Variants in GRM7 observed in about 807,000 individuals in gnomAD.
GRM7 encodes metabotropic glutamate receptor 7.
In GRM7, 35 loss-of-function variants were observed where a neutral mutation model predicts 84.5. That is an observed-to-expected ratio of 0.41 (90% confidence interval 0.32 to 0.55). The LOEUF is 0.55. Among genes scored for constraint, GRM7 ranks in the 20% least tolerant of loss-of-function variants. The probability of loss-of-function intolerance (pLI) is 0.19; values close to 1 mark genes in which losing one functional copy is unlikely to be tolerated. For missense variants in GRM7, 1,003 were observed against 1,194.6 expected (o/e 0.84, Z 2.36); for synonymous variants, 487 against 455.1 (o/e 1.07, Z -0.89).
At chr3:7,460,206 G>A (rs1026911053) in intron 6 of GRM7, among the ~76,000 whole-genome samples, 13 of 148,090 alleles carry the variant, frequency 8.8e-5, no homozygotes, top group African/African-American at 1.7e-4. Flanking sequence ...CAAGAATGAC[G>A]CTAAAATATG....
intron 5 of GRM7, among the ~76,000 whole-genome samples, chr3:7,427,883 C>T (rs147135832): frequency 1.3e-4 from 20 of 152,262 alleles, no homozygotes; most frequent in East Asian, 7.7e-4. Flanking sequence ...CATGGTCAGT[C>T]GCTGATTAGA....
chr3:7,292,932 G>T (rs767214449), intron 2 of GRM7, among the ~76,000 whole-genome samples: 1 of 150,746 alleles, frequency 6.6e-6, no homozygotes, highest in Non-Finnish European at 1.5e-5. Flanking sequence ...TGCTCGGGGG[G>T]CCAAGGCAGG....
intron 2 of GRM7, among the ~76,000 whole-genome samples, chr3:7,261,421 C>CT (rs913545870): frequency 2.6e-4 from 39 of 152,110 alleles, no homozygotes; most frequent in African/African-American, 8.7e-4. Context: ...GCAACCCATG[C>CT]TTTTTTCTGT....
rs538875623 is a variant in GRM7, at chr3:7,649,825, A to AC, written c.2452-30224_2452-30223insC. 9.2e-4 allele frequency among the ~76,000 whole-genome samples: 139 copies of AC among 151,834 alleles called. 1 individual carries two copies. The South Asian group carries it at 0.027, about 29-fold the overall frequency. On this transcript the variant is annotated intron_variant, in intron 8 of 9. Coordinates refer to ENST00000357716, the MANE Select transcript of GRM7 (RefSeq NM_000844.4). ...TTATTTCTACTGCTGGCAAAAGAAAAAAAAAATAGGAAACAGGTTTGGGCG... is the reference window on the plus strand; with the variant it reads ...TTATTTCTACTGCTGGCAAAAGAAAACAAAAAATAGGAAACAGGTTTGGGCG...
intron 7 of GRM7, among the ~76,000 whole-genome samples, chr3:7,539,782 T>C (rs577283912): frequency 9.2e-5 from 14 of 152,274 alleles, no homozygotes; most frequent in African/African-American, 2.4e-4. Context: ...ACTAGGGTTC[T>C]TTTAACTTCA....
At chr3:7,474,339 C>T (rs1163246566) in intron 7 of GRM7, among the ~76,000 whole-genome samples, 1 of 152,050 alleles carries the variant, frequency 6.6e-6, no homozygotes. Context: ...ACCCTATACC[C>T]TGTCCTCTCA....
chr3:7,445,412 G>A (rs1277890276), intron 5 of GRM7, among the ~76,000 whole-genome samples: 2 of 152,140 alleles, frequency 1.3e-5, no homozygotes, highest in Non-Finnish European at 1.5e-5. Flanking sequence ...AGTGTGCTGT[G>A]AGGGTTAAAA....
At chr3:7,000,439 G>A (rs141561303) in intron 1 of GRM7, among the ~76,000 whole-genome samples, 524 of 152,190 alleles carry the variant, frequency 3.4e-3, no homozygotes, top group Non-Finnish European at 5.6e-3. Flanking sequence ...CACCTGCCTT[G>A]ACCTTCCAAA....
At chr3:6,959,733 C>A (rs922059918) in intron 1 of GRM7, among the ~76,000 whole-genome samples, 2 of 152,150 alleles carry the variant, frequency 1.3e-5, no homozygotes, top group Non-Finnish European at 2.9e-5. Context: ...CATTTAGAAT[C>A]CATTTATCTT....
chr3:7,255,946 A>T (rs1384714541), intron 2 of GRM7, among the ~76,000 whole-genome samples: 1 of 152,192 alleles, frequency 6.6e-6, no homozygotes, highest in Non-Finnish European at 1.5e-5. Context: ...CTCTCTGCTT[A>T]AATTGCTCCA....
chr3:7,511,929 G>A (rs2124978301), intron 7 of GRM7, among the ~76,000 whole-genome samples: 1 of 152,166 alleles, frequency 6.6e-6, no homozygotes, highest in East Asian at 1.9e-4. Flanking sequence ...ATTATTTGAG[G>A]CCAGTAGTTT....
At position 7,431,862 on chromosome 3, in the gene GRM7, T is replaced by C. The variant is rs141319119; in HGVS notation, c.1174+16699T>C. Among the ~76,000 whole-genome samples the C allele has an allele frequency of 3.5e-3, 526 of 152,336 alleles. 2 individuals are homozygous for C. Among genetic ancestry groups the C allele is most frequent in the Non-Finnish European group, 6.0e-3 (407 of 68,032 alleles). The stretch of plus-strand genomic sequence containing the variant: ...ATGTGGAGCAATATGTAGACTCCGT[T>C]GTAGAGAAATAAATATGCATTCAAA... On this transcript the variant is annotated intron_variant, in intron 5 of 9. Transcript: ENST00000357716.
chr3:7,437,537 A>G (rs1372200645), intron 5 of GRM7, among the ~76,000 whole-genome samples: 1 of 152,108 alleles, frequency 6.6e-6, no homozygotes, highest in Non-Finnish European at 1.5e-5. Context: ...TAGACCCTAA[A>G]TTAATTAAAT....
At chr3:6,909,381 A>T (rs1435881471) in intron 1 of GRM7, among the ~76,000 whole-genome samples, 1 of 152,136 alleles carries the variant, frequency 6.6e-6, no homozygotes, top group East Asian at 1.9e-4. Context: ...CAAACCACCC[A>T]TTTGCCTTTC....
chr3:7,144,319 A>C (rs1312496453), intron 1 of GRM7, among the ~76,000 whole-genome samples: 3 of 152,222 alleles, frequency 2.0e-5, no homozygotes, highest in Non-Finnish European at 4.4e-5. Context: ...CTAATGTAAT[A>C]TTGTACAGTC....
At chr3:7,146,896 A>T (rs146696226) in intron 2 of GRM7, among the ~76,000 whole-genome samples, 1 of 152,136 alleles carries the variant, frequency 6.6e-6, no homozygotes, top group Non-Finnish European at 1.5e-5. Context: ...AGAAAAAAAA[A>T]TATGTACTAA....
chr3:6,992,837 A>G (rs768797723), intron 1 of GRM7, among the ~76,000 whole-genome samples: 2 of 152,244 alleles, frequency 1.3e-5, no homozygotes, highest in Non-Finnish European at 2.9e-5. Context: ...GGTCAAGCCA[A>G]ATGTGAAGTC....
chr3:7,113,187 A>G (rs1457006816), intron 1 of GRM7, among the ~76,000 whole-genome samples: 1 of 152,180 alleles, frequency 6.6e-6, no homozygotes, highest in Non-Finnish European at 1.5e-5. Context: ...AAATACGTGA[A>G]AAAAATTAAA....
intron 2 of GRM7, among the ~76,000 whole-genome samples, chr3:7,162,812 T>G (rs1401540695): frequency 3.0e-5 from 4 of 133,978 alleles, no homozygotes; most frequent in African/African-American, 1.1e-4. Context: ...CAGGCTGGAG[T>G]GCAGTGGTGT....
Sources: allele counts gnomAD v4.1 joint callset (sites outside exome capture counted in the v4.1 genomes callset), GRCh38; gene constraint gnomAD v4.1.1; transcripts MANE v1.5; gene names NCBI Gene and HGNC (gene_info 2026-07-23, HGNC 2026-07-21).